Variants in OPA1 observed in about 807,000 individuals in gnomAD.
OPA1 encodes the protein OPA1 mitochondrial dynamin like GTPase.
Under a neutral mutation model 152.9 loss-of-function variants are expected in OPA1, and 59 were observed. The ratio of observed to expected loss-of-function variants is 0.39; its 90% CI spans 0.31 to 0.48. The LOEUF (loss-of-function observed/expected upper bound fraction) is 0.48, where lower values mean the gene tolerates loss of function less well. Among genes scored for constraint, OPA1 ranks in the 20% least tolerant of loss-of-function variants. The pLI is 0.96. For synonymous variants in OPA1, 400 were observed against 389.9 expected, an observed-to-expected ratio of 1.03 and a Z score of -0.31; for missense variants, 1,008 against 1,216.8, an observed-to-expected ratio of 0.83 and a Z score of 2.55.
At chr3:193,673,982 C>T (rs959794486) in intron 29 of OPA1, among the ~76,000 whole-genome samples, 20 of 152,212 alleles carry the variant, frequency 1.3e-4, no homozygotes, top group Non-Finnish European at 8.8e-5. Flanking sequence ...ACTCCCTACG[C>T]GAGGTGGCAA....
Position 193,626,147 on chromosome 3 carries a change from A to G in OPA1, c.734A>G (p.Glu245Gly). Residue 245 changes from glutamate to glycine, a missense_variant, in exon 7 of 31, where the codon GAA (glutamate) becomes GGA (glycine). Glu to Gly is a moderately conservative substitution (Grantham distance 98). Coordinates refer to ENST00000361510, the MANE Select transcript of OPA1 (RefSeq NM_130837.3). ...LQQQIQEHEE[E>G]ARRAAGQYST... ...CAACAAATTCAAGAGCATGAAGAGG[A>G]AGCGCGCAGAGCCGCTGGCCAATAT... 6.2e-7 allele frequency: 1 copy of G among 1,614,132 alleles called. No individual in the cohort carries two copies. Among genetic ancestry groups the G allele is most frequent in the Non-Finnish European group, 8.5e-7 (1 of 1,180,012 alleles).
chr3:193,645,866 C>A, intron 18 of OPA1, 66 bp downstream of exon 18: 2 of 1,215,848 alleles, frequency 1.6e-6, no homozygotes, highest in Non-Finnish European at 2.4e-6. Flanking sequence ...GAACTGTTTT[C>A]ACTTAAAACA....
In OPA1 at chr3:193,696,198, A is replaced by G. The variant is rs371269116; in HGVS notation, c.*1598A>G. 6.6e-6 allele frequency: 1 copy of G among 152,242 alleles called. No individual in the cohort carries two copies. 9.4% of individuals were successfully genotyped at this position (152,242 alleles called of 1,614,324 possible). ...ATTTTTGCAGTTGTAAAGCATAACA[A>G]TTACAACTACACATCTATTTCTAAA... On this transcript the variant is annotated 3_prime_UTR_variant, in exon 31 of 31. Coordinates refer to ENST00000361510, the MANE Select transcript of OPA1 (RefSeq NM_130837.3).
At chr3:193,686,829 A>G (rs1484624767) in intron 29 of OPA1, among the ~76,000 whole-genome samples, 1 of 152,246 alleles carries the variant, frequency 6.6e-6, no homozygotes, top group Non-Finnish European at 1.5e-5. Context: ...CTCAGGCAGC[A>G]TGTTATACAA....
chr3:193,678,860 T>A (rs1719636936), intron 29 of OPA1, among the ~76,000 whole-genome samples: 1 of 152,226 alleles, frequency 6.6e-6, no homozygotes, highest in African/African-American at 2.4e-5. Context: ...ACTAATGGGT[T>A]GAACCTTCCA....
intron 1 of OPA1, among the ~76,000 whole-genome samples, chr3:193,607,983 T>C (rs1424513606): frequency 6.6e-6 from 1 of 152,202 alleles, no homozygotes; most frequent in Non-Finnish European, 1.5e-5. Context: ...TCACATCCCT[T>C]GTATGTTGGA....
chr3:193,626,004 A>C, intron 6 of OPA1, 88 bp from the exon 7 acceptor site: 1 of 961,908 alleles, frequency 1.0e-6, no homozygotes, highest in Non-Finnish European at 1.7e-6. Context: ...ATCCCTCCCT[A>C]GCTTACATCT....
chr3:193,641,763 G>T (rs761919877), intron 11 of OPA1, among the ~76,000 whole-genome samples: 1 of 152,216 alleles, frequency 6.6e-6, no homozygotes, highest in Non-Finnish European at 1.5e-5. Context: ...AGCTAGAAAG[G>T]TGTCAATTAG....
chr3:193,689,756 C>T (rs1721419781), intron 29 of OPA1, among the ~76,000 whole-genome samples: 1 of 152,106 alleles, frequency 6.6e-6, no homozygotes, highest in Non-Finnish European at 1.5e-5. Context: ...GTACTCAAAT[C>T]GTGTATCAAA....
intron 21 of OPA1, among the ~76,000 whole-genome samples, chr3:193,652,012 A>G (rs1712604315): frequency 6.6e-6 from 1 of 152,228 alleles, no homozygotes; most frequent in Non-Finnish European, 1.5e-5. Flanking sequence ...ATATTTTGCT[A>G]ATTATATTTT....
chr3:193,693,901 C>G (rs1393824521), intron 30 of OPA1, among the ~76,000 whole-genome samples: 1 of 152,210 alleles, frequency 6.6e-6, no homozygotes, highest in Non-Finnish European at 1.5e-5. Context: ...GAGCTTACAT[C>G]ATAGTTCTAT....
At chr3:193,646,723 A>G (rs967307841) in intron 18 of OPA1, 8 of 158,732 alleles carry the variant, frequency 5.0e-5, no homozygotes, top group African/African-American at 1.4e-4. Context: ...TAGTGACCCA[A>G]TATCACGCCA....
intron 21 of OPA1, among the ~76,000 whole-genome samples, chr3:193,654,290 G>C (rs1713247260): frequency 1.3e-5 from 2 of 152,250 alleles, no homozygotes; most frequent in South Asian, 4.1e-4. Context: ...GAGCCCAGGA[G>C]TTCAAGACCA....
chr3:193,690,014 GA>G (rs56020929), intron 29 of OPA1, among the ~76,000 whole-genome samples: 12,111 of 135,948 alleles, frequency 0.089, 496 homozygotes, highest in Admixed American at 0.14. Context: ...TACATTCACT[GA>G]AAAAAAAAAA....
At position 193,666,366 on chromosome 3, in the gene OPA1, G is replaced by A; in HGVS notation, c.2849G>A (p.Arg950Lys). Residue 950 changes from arginine (R) to lysine (K), a missense_variant, in exon 28 of 31, where the codon AGG becomes AAG. Arg to Lys is a conservative substitution (Grantham distance 26). Transcript: ENST00000361510. ...RMLAITANTL[R>K]QQLTNTEVRR... ...CTTGCTATCACCGCAAATACTTTAA[G>A]GCAACAACTTACAAATACTGAAGGT... 1.9e-6 allele frequency: 3 copies of A among 1,614,010 alleles called. No homozygotes were observed. The highest frequency in any genetic ancestry group is 2.5e-6 in the Non-Finnish European group (3 of 1,179,920).
chr3:193,646,294 C>G (rs1734598541), intron 18 of OPA1, among the ~76,000 whole-genome samples: 1 of 152,096 alleles, frequency 6.6e-6, no homozygotes, highest in African/African-American at 2.4e-5. Context: ...TATGTTTGTT[C>G]CTAGGTTAGT....
chr3:193,668,463 C>T, intron 29 of OPA1: 2 of 1,550,634 alleles, frequency 1.3e-6, no homozygotes, highest in Non-Finnish European at 1.7e-6. Context: ...TTACTGAGCT[C>T]TGCTCTGACG....
chr3:193,666,150 C>T (rs1008699412), intron 27 of OPA1, 146 bp from the exon 28 acceptor site: 13 of 711,926 alleles, frequency 1.8e-5, no homozygotes, highest in African/African-American at 3.5e-5. Context: ...GATTCTGTAG[C>T]TTATATCTAC....
At chr3:193,636,985 A>G (rs1484089309) in intron 9 of OPA1, among the ~76,000 whole-genome samples, 1 of 152,196 alleles carries the variant, frequency 6.6e-6, no homozygotes, top group Non-Finnish European at 1.5e-5. Context: ...TTATTAAATC[A>G]TTGTATCTAA....
Sources: gnomAD v4.1 joint callset for allele counts (sites outside exome capture counted in the v4.1 genomes callset) on GRCh38, gnomAD v4.1.1 for gene constraint, MANE v1.5 for transcripts, NCBI Gene and HGNC (gene_info 2026-07-23, HGNC 2026-07-21) for gene names.